The following RSBN1 variants were observed in gnomAD, a reference collection of about 807,000 sequenced individuals.
RSBN1 encodes the protein lysine-specific demethylase 9.
RSBN1 carries 23 observed loss-of-function variants against 74.8 expected under a neutral mutation model. The ratio of observed to expected loss-of-function variants is 0.31; its 90% CI spans 0.22 to 0.44. RSBN1 has a LOEUF of 0.44. Among genes scored for constraint, RSBN1 ranks in the 20% least tolerant of loss-of-function variants. RSBN1 has a pLI of 1.00. For synonymous variants in RSBN1, 407 were observed against 379.6 expected (o/e 1.07, Z -0.84); for missense variants, 808 against 1,020.9 (o/e 0.79, Z 2.84).
At chr1:113,783,808 GA>G (rs1447494417) in intron 2 of RSBN1, among the ~76,000 whole-genome samples, 1 of 152,160 alleles carries the variant, frequency 6.6e-6, no homozygotes, top group East Asian at 1.9e-4. Context: ...AAGACAGAAG[GA>G]AACTAGCATC....
rs993718489 is a variant in RSBN1, at chr1:113,762,225, A to T, written c.*3755T>A. 1 of 152,812 alleles carries T rather than the reference A, an allele frequency of 6.5e-6. No individual in the cohort carries two copies. Among genetic ancestry groups the T allele is most frequent in the African/African-American group, 2.4e-5 (1 of 41,472 alleles). The allele number at this position is 152,812 out of a possible 1,614,324, so 9.5% of individuals were successfully genotyped here. On this transcript the variant is annotated 3_prime_UTR_variant, in exon 7 of 7. Transcript: ENST00000261441. ...AATTTACAACATGTGATAGTAGTAC[A>T]TAAGTATTTCTTTAGAGAGAATTGA...
intron 5 of RSBN1, chr1:113,767,866 G>GA (rs1659809667): frequency 3.6e-5 from 6 of 167,714 alleles, no homozygotes; most frequent in African/African-American, 1.4e-4. Flanking sequence ...AAATAAGCCA[G>GA]TCACAAAAAG....
At chr1:113,788,802 T>G (rs928802089) in intron 2 of RSBN1, among the ~76,000 whole-genome samples, 1 of 151,878 alleles carries the variant, frequency 6.6e-6, no homozygotes. Flanking sequence ...AAAAGACCTA[T>G]CAAAATAGGA....
chr1:113,777,501 G>T lies in RSBN1; in HGVS notation c.1516-149C>A, dbSNP rs1321012012. ...TTTACATAGTAATTTATATTAAAAA[G>T]AATAATTGAATTTAAGTACTTTGTA... On this transcript the variant is annotated intron_variant, in intron 3 of 6. Coordinates refer to ENST00000261441, the MANE Select transcript of RSBN1 (RefSeq NM_018364.5). The T allele has an allele frequency of 3.2e-6, 3 of 930,466 alleles. No individual in the cohort carries two copies. In the Admixed American group the frequency reaches 9.3e-5, roughly 29 times the overall value. The allele number at this position is 930,466 out of a possible 1,614,324, so 57.6% of individuals were successfully genotyped here.
intron 2 of RSBN1, among the ~76,000 whole-genome samples, chr1:113,778,646 C>T (rs562175517): frequency 6.6e-6 from 1 of 152,166 alleles, no homozygotes; most frequent in African/African-American, 2.4e-5. Flanking sequence ...TTTCTACCTC[C>T]AGTGATTTTT....
At chr1:113,782,757 T>A (rs921311933) in intron 2 of RSBN1, among the ~76,000 whole-genome samples, 1 of 152,232 alleles carries the variant, frequency 6.6e-6, no homozygotes, top group African/African-American at 2.4e-5. Context: ...TAATTTAGAT[T>A]GACATTAACT....
intron 4 of RSBN1, among the ~76,000 whole-genome samples, chr1:113,773,172 T>G (rs1659914775): frequency 6.6e-6 from 1 of 151,920 alleles, no homozygotes. Flanking sequence ...ATAAAGGAAA[T>G]TAAAAGGAAA....
chr1:113,799,772 G>C (rs1359486143), intron 1 of RSBN1, among the ~76,000 whole-genome samples: 2 of 151,930 alleles, frequency 1.3e-5, no homozygotes, highest in East Asian at 1.9e-4. Context: ...AGTTTTAAAG[G>C]ATTATCATGG....
At position 113,798,044 on chromosome 1, in the gene RSBN1, C is replaced by G. The variant is rs980312064; in HGVS notation, c.704-8G>C. The G allele has an allele frequency of 1.9e-6, 3 of 1,585,272 alleles. No individual in the cohort carries two copies. The African/African-American group carries it at 4.1e-5, about 22-fold the overall frequency. The stretch of plus-strand genomic sequence containing the variant: ...CATTTTCATCTGGTGTTTCTGGCCA[C>G]AATAATTAAAAAGAAGTTAGTTGCT... On this transcript the variant is annotated splice_region_variant and splice_polypyrimidine_tract_variant and intron_variant, in intron 1 of 6. Transcript: ENST00000261441.
intron 1 of RSBN1, among the ~76,000 whole-genome samples, chr1:113,806,494 T>G (rs1457282503): frequency 6.6e-6 from 1 of 151,984 alleles, no homozygotes; most frequent in Admixed American, 6.6e-5. Flanking sequence ...ACCTCACACC[T>G]GTACAAAATT....
chr1:113,802,772 T>C (rs1660611311), intron 1 of RSBN1, among the ~76,000 whole-genome samples: 1 of 152,080 alleles, frequency 6.6e-6, no homozygotes, highest in African/African-American at 2.4e-5. Context: ...AAATGCATAG[T>C]CTGTCTCCCT....
chr1:113,811,114 A>T (rs1319886486), intron 1 of RSBN1, among the ~76,000 whole-genome samples: 1 of 152,244 alleles, frequency 6.6e-6, no homozygotes, highest in Non-Finnish European at 1.5e-5. Context: ...AGGGTAGAGA[A>T]AACCTTCCAC....
intron 5 of RSBN1, 105 bp from the exon 6 acceptor site, chr1:113,767,312 T>TA: frequency 1.7e-6 from 1 of 572,914 alleles, no homozygotes; most frequent in South Asian, 2.9e-5. Flanking sequence ...AGCAGAGAAA[T>TA]AGATGCATAG....
chr1:113,772,763 A>T (rs974986025), intron 4 of RSBN1, among the ~76,000 whole-genome samples: 4 of 152,220 alleles, frequency 2.6e-5, no homozygotes, highest in African/African-American at 9.6e-5. Flanking sequence ...TTTAATACCA[A>T]CAGAAATAAA....
intron 1 of RSBN1, among the ~76,000 whole-genome samples, chr1:113,807,975 G>A (rs937271062): frequency 4.0e-5 from 6 of 151,764 alleles, no homozygotes; most frequent in African/African-American, 1.2e-4. Context: ...ATCACCACAC[G>A]TCTATTAAAA....
At position 113,763,545 on chromosome 1, in the gene RSBN1, T is replaced by C. The variant is rs559057649; in HGVS notation, c.*2435A>G. Reference sequence around the variant, plus strand: ...AAAAAACGCAAAACTTCTGCTTTTATACTCATCAGTCTTTAAAGCATGCTA... The same window carrying C: ...AAAAAACGCAAAACTTCTGCTTTTACACTCATCAGTCTTTAAAGCATGCTA... On this transcript the variant is annotated 3_prime_UTR_variant, in exon 7 of 7. Coordinates refer to ENST00000261441, the MANE Select transcript of RSBN1 (RefSeq NM_018364.5). 8 of 152,940 alleles carry C rather than the reference T, an allele frequency of 5.2e-5. No homozygotes were observed. The South Asian group carries it at 8.3e-4, about 16-fold the overall frequency. 9.5% of individuals were successfully genotyped at this position (152,940 alleles called of 1,614,324 possible). A position where few individuals can be genotyped will look rare whatever the true frequency, so the allele number is the denominator to read the frequency against.
chr1:113,808,835 G>C (rs1450914097), intron 1 of RSBN1, among the ~76,000 whole-genome samples: 1 of 152,182 alleles, frequency 6.6e-6, no homozygotes, highest in Admixed American at 6.5e-5. Flanking sequence ...TAAAGGGTTT[G>C]TGGTGGTGGA....
chr1:113,786,528 G>A (rs1013777654), intron 2 of RSBN1, among the ~76,000 whole-genome samples: 3 of 152,194 alleles, frequency 2.0e-5, no homozygotes, highest in Admixed American at 2.0e-4. Context: ...GATGATAGAA[G>A]CATAGCCTGG....
intron 2 of RSBN1, among the ~76,000 whole-genome samples, chr1:113,784,053 T>C (rs1660192716): frequency 6.6e-6 from 1 of 152,098 alleles, no homozygotes; most frequent in African/African-American, 2.4e-5. Flanking sequence ...AAATAGAACA[T>C]TTAAAGTGAT....
Sources: gnomAD v4.1 joint callset for allele counts (sites outside exome capture counted in the v4.1 genomes callset) on GRCh38, gnomAD v4.1.1 for gene constraint, MANE v1.5 for transcripts, NCBI Gene and HGNC (gene_info 2026-07-23, HGNC 2026-07-21) for gene names.